TTC8: variants seen among roughly 807,000 people sequenced by gnomAD.
TTC8 encodes tetratricopeptide repeat protein 8.
In TTC8, 47 loss-of-function variants were observed where a neutral mutation model predicts 72.5. That is an observed-to-expected ratio of 0.65 (90% CI 0.51 to 0.83). The LOEUF (loss-of-function observed/expected upper bound fraction) is 0.83. Among genes scored for constraint, TTC8 ranks in the 40% least tolerant of loss-of-function variants. The probability of loss-of-function intolerance (pLI) is 0.00; values close to 1 mark genes in which losing one functional copy is unlikely to be tolerated. For missense variants in TTC8, 611 were observed against 623.2 expected (o/e 0.98, Z 0.21); for synonymous variants, 199 against 221.4 (o/e 0.90, Z 0.90).
At chr14:88,863,250 A>G (rs1686258553) in intron 10 of TTC8, among the ~76,000 whole-genome samples, 1 of 152,148 alleles carries the variant, frequency 6.6e-6, no homozygotes, top group Admixed American at 6.6e-5. Context: ...GACTCATAGT[A>G]CTCAGCCAGC....
chr14:88,837,641 G>A (rs2094759035), intron 2 of TTC8, among the ~76,000 whole-genome samples: 1 of 152,154 alleles, frequency 6.6e-6, no homozygotes, highest in African/African-American at 2.4e-5. Context: ...AAAAATCAAA[G>A]CTGTCAGATA....
Position 88,872,426 on chromosome 14 carries a change from GA to G in TTC8, c.1322del (p.Glu441GlyfsTer20). 6.2e-7 allele frequency: 1 copy of G among 1,614,012 alleles called. No homozygotes were observed. Among genetic ancestry groups the G allele is most frequent in the Non-Finnish European group, 8.5e-7 (1 of 1,179,928 alleles). ...AEAYNNLAVL[E>X]MRKGHVEQAR... is the part of the protein sequence containing the mutation. ...GGCCTACAACAACCTGGCTGTGCTGGAGATGCGGAAGGGCCACGTTGAACAG... is the reference window on the plus strand; with the variant it reads ...GGCCTACAACAACCTGGCTGTGCTGGGATGCGGAAGGGCCACGTTGAACAG... On this transcript the variant is annotated frameshift_variant, in exon 13 of 15. Coordinates refer to ENST00000380656, the MANE Select transcript of TTC8 (RefSeq NM_144596.4). LOFTEE classifies it high-confidence loss of function.
chr14:88,834,852 G>A (rs1488677875), intron 2 of TTC8, among the ~76,000 whole-genome samples: 1 of 151,982 alleles, frequency 6.6e-6, no homozygotes, highest in African/African-American at 2.4e-5. Flanking sequence ...ACTATAAATG[G>A]CATTTAAGAG....
intron 9 of TTC8, among the ~76,000 whole-genome samples, chr14:88,859,622 C>T (rs2094874244): frequency 6.6e-6 from 1 of 151,632 alleles, no homozygotes; most frequent in African/African-American, 2.4e-5. Context: ...TATGAGTTTA[C>T]CTATATAACA....
At chr14:88,864,108 C>G (rs1164187312) in intron 10 of TTC8, among the ~76,000 whole-genome samples, 1 of 152,050 alleles carries the variant, frequency 6.6e-6, no homozygotes, top group Non-Finnish European at 1.5e-5. Context: ...AGCTTCTATA[C>G]CTAGGTGATA....
intron 10 of TTC8, among the ~76,000 whole-genome samples, chr14:88,866,877 A>C (rs1053344080): frequency 2.6e-5 from 4 of 152,134 alleles, no homozygotes; most frequent in African/African-American, 9.7e-5. Context: ...GAGGGACAAA[A>C]GATAGGATAG....
In TTC8 at chr14:88,861,261, C is replaced by A. The variant is rs768910418; in HGVS notation, c.838C>A (p.Leu280Ile). ...GGATCAACCTGTGACTGCTTTAAAT[C>A]TTTTCAAACAAGGCTTAGATAAGTT... is the stretch of plus-strand genomic sequence containing the variant. ...SLDQPVTALN[L>I]FKQGLDKFPG... Residue 280 changes from leucine to isoleucine, a missense_variant, in exon 10 of 15, where the codon CTT becomes ATT. Coordinates refer to ENST00000380656, the MANE Select transcript of TTC8 (RefSeq NM_144596.4). The A allele has an allele frequency of 6.2e-7, 1 of 1,612,904 alleles. No individual in the cohort carries two copies. Among genetic ancestry groups the A allele is most frequent in the Non-Finnish European group, 8.5e-7 (1 of 1,179,376 alleles).
At chr14:88,830,035 T>C (rs145506110) in intron 1 of TTC8, among the ~76,000 whole-genome samples, 2 of 152,352 alleles carry the variant, frequency 1.3e-5, no homozygotes, top group East Asian at 3.9e-4. Flanking sequence ...ACTAGATCTC[T>C]CTAACCTTCT....
At chr14:88,843,774 C>T (rs1170198971) in intron 6 of TTC8, 32 bp from the exon 7 acceptor site, 1 of 1,540,696 alleles carries the variant, frequency 6.5e-7, no homozygotes, top group Non-Finnish European at 8.9e-7. Context: ...AAAAAAAAAT[C>T]TAACGTATTT....
At chr14:88,825,449 G>T (rs2094695047) in intron 1 of TTC8, among the ~76,000 whole-genome samples, 1 of 152,282 alleles carries the variant, frequency 6.6e-6, no homozygotes, top group South Asian at 2.1e-4. Flanking sequence ...GGAAAGAAAG[G>T]CTCCTTACAA....
rs774208959 is a variant in TTC8 at position 88,853,043 on chromosome 14, A to G, written c.697A>G (p.Lys233Glu). ...CTGGTGGTGGAAAGTACAGATTGGA[A>G]AATGTTACTACAGGTAAATTTCATT... is the stretch of plus-strand genomic sequence containing the variant. ...KDWWWKVQIG[K>E]CYYRLGMYRE... The change falls in exon 8 of 15, where the codon AAA becomes GAA. Residue 233 changes from lysine to glutamate, a missense_variant. Coordinates refer to ENST00000380656, the MANE Select transcript of TTC8 (RefSeq NM_144596.4). 1.2e-6 allele frequency: 2 copies of G among 1,612,826 alleles called. No individual in the cohort carries two copies. Among genetic ancestry groups the G allele is most frequent in the South Asian group, 2.2e-5 (2 of 91,078 alleles).
chr14:88,839,691 A>G (rs1342339893), intron 3 of TTC8, 119 bp downstream of exon 3: 1 of 1,196,938 alleles, frequency 8.4e-7, no homozygotes, highest in Non-Finnish European at 1.2e-6. Flanking sequence ...CATTATAGAC[A>G]TGAAACAAAA....
At chr14:88,875,217 A>G (rs1326376386) in intron 14 of TTC8, 108 bp downstream of exon 14, 1 of 965,674 alleles carries the variant, frequency 1.0e-6, no homozygotes, top group Non-Finnish European at 1.6e-6. Context: ...TCCTGAAAGA[A>G]ATGACTTTTT....
intron 13 of TTC8, among the ~76,000 whole-genome samples, chr14:88,874,225 C>T (rs896291799): frequency 6.6e-6 from 1 of 151,916 alleles, no homozygotes; most frequent in Non-Finnish European, 1.5e-5. Context: ...AAAATTATAT[C>T]TTTCATTCTA....
intron 7 of TTC8, among the ~76,000 whole-genome samples, chr14:88,849,695 G>C (rs1178159818): frequency 2.0e-5 from 3 of 152,154 alleles, no homozygotes; most frequent in African/African-American, 7.2e-5. Flanking sequence ...TGGTGATTCT[G>C]TGTTTATCTA....
intron 3 of TTC8, 43 bp from the exon 4 acceptor site, chr14:88,840,822 T>G: frequency 1.9e-6 from 3 of 1,588,032 alleles, no homozygotes; most frequent in Non-Finnish European, 8.6e-7. Flanking sequence ...TTTTACAGAT[T>G]AATAGATAAT....
At chr14:88,848,299 T>C (rs900050770) in intron 7 of TTC8, among the ~76,000 whole-genome samples, 7 of 152,182 alleles carry the variant, frequency 4.6e-5, no homozygotes, top group Admixed American at 4.6e-4. Context: ...CTTTGGACTT[T>C]GAGTTTTATA....
In TTC8 at chr14:88,871,629, A is replaced by G. The variant is rs1286459248; in HGVS notation, c.1130A>G (p.Asp377Gly). ...GLCCFYAQQY[D>G]MTLTSFERAL... is the part of the protein sequence containing the mutation. ...TGTTGCTTCTATGCCCAGCAGTATGATATGACTCTGACCTCATTTGAACGT... is the reference window on the plus strand; with the variant it reads ...TGTTGCTTCTATGCCCAGCAGTATGGTATGACTCTGACCTCATTTGAACGT... The change falls in exon 12 of 15, where the codon GAT (aspartate) becomes GGT (glycine). Residue 377 changes from aspartate (D) to glycine (G), a missense_variant. Asp to Gly is a moderately conservative substitution (Grantham distance 94). Coordinates refer to ENST00000380656, the MANE Select transcript of TTC8 (RefSeq NM_144596.4). The surrounding 1 kb of genome is among the most constrained non-coding windows in gnomAD (Gnocchi z 4.1). The G allele has an allele frequency of 3.1e-6, 5 of 1,614,130 alleles. No individual in the cohort carries two copies. The highest frequency in any genetic ancestry group is 4.2e-6 in the Non-Finnish European group (5 of 1,180,006).
intron 10 of TTC8, among the ~76,000 whole-genome samples, chr14:88,862,737 T>A (rs1481299703): frequency 6.7e-6 from 1 of 148,664 alleles, no homozygotes; most frequent in Non-Finnish European, 1.5e-5. Flanking sequence ...TGTGCCCCCA[T>A]GTCCAGCTAA....
Sources: allele counts gnomAD v4.1 joint callset (sites outside exome capture counted in the v4.1 genomes callset), GRCh38; gene constraint gnomAD v4.1.1; non-coding constraint Gnocchi (gnomAD v3.1); transcripts MANE v1.5; gene names NCBI Gene and HGNC (gene_info 2026-07-23, HGNC 2026-07-21).